PPP1R13B: variants seen among roughly 807,000 people sequenced by gnomAD.
PPP1R13B encodes the protein protein phosphatase 1 regulatory subunit 13B.
PPP1R13B carries 44 observed loss-of-function variants against 119.8 expected under a neutral mutation model. The ratio of observed to expected loss-of-function variants is 0.37; its 90% CI spans 0.29 to 0.47. The LOEUF is 0.47. PPP1R13B is among the 20% of genes least tolerant of loss of function. The pLI is 0.99. For missense variants in PPP1R13B, 1,227 were observed against 1,413.5 expected (o/e 0.87, Z 2.12); for synonymous variants, 542 against 561.5 (o/e 0.97, Z 0.49).
intron 1 of PPP1R13B, among the ~76,000 whole-genome samples, chr14:103,799,833 G>T (rs1289608592): frequency 2.6e-5 from 4 of 151,650 alleles, no homozygotes; most frequent in Non-Finnish European, 5.9e-5. Flanking sequence ...ATCACCTGAG[G>T]TCAGGAGTTC....
chr14:103,819,708 AG>A (rs1410593375), intron 1 of PPP1R13B, among the ~76,000 whole-genome samples: 1 of 151,932 alleles, frequency 6.6e-6, no homozygotes, highest in African/African-American at 2.4e-5. Context: ...CTAGAGAGAA[AG>A]CCTACCACAC....
chr14:103,762,741 G>A, intron 4 of PPP1R13B: 1 of 677,208 alleles, frequency 1.5e-6, no homozygotes, highest in Non-Finnish European at 2.7e-6. Flanking sequence ...GGGTGAGACG[G>A]ATGGGGGTGG....
chr14:103,830,021 C>T (rs1407653141), intron 1 of PPP1R13B, among the ~76,000 whole-genome samples: 2 of 152,122 alleles, frequency 1.3e-5, no homozygotes, highest in African/African-American at 4.8e-5. Context: ...TCATGATCCA[C>T]CCACCTTGGC....
intron 1 of PPP1R13B, among the ~76,000 whole-genome samples, chr14:103,811,363 A>G (rs903570143): frequency 3.3e-5 from 5 of 152,092 alleles, no homozygotes; most frequent in African/African-American, 1.2e-4. Context: ...TGCAAAGTAC[A>G]TATTTGATAA....
chr14:103,739,091 G>T, intron 12 of PPP1R13B, 68 bp from the exon 13 acceptor site: 1 of 1,550,810 alleles, frequency 6.4e-7, no homozygotes, highest in Non-Finnish European at 8.7e-7. Context: ...CACGCCTGCT[G>T]GGAAGGAGTG....
intron 15 of PPP1R13B, chr14:103,737,443 G>T: frequency 2.5e-6 from 1 of 392,178 alleles, no homozygotes; most frequent in Non-Finnish European, 4.5e-6. Context: ...GGCTGTGGTG[G>T]GACAAGCCTG....
In PPP1R13B at chr14:103,815,494, C is replaced by T. The variant is rs191236134; in HGVS notation, c.10-17976G>A. Reference sequence around the variant, plus strand: ...AACACAGGCTAGGCATGGTGGCTCACGCCTGTAATCCCAGCACCTTGGGAA... The same window carrying T: ...AACACAGGCTAGGCATGGTGGCTCATGCCTGTAATCCCAGCACCTTGGGAA... On this transcript the variant is annotated intron_variant, in intron 1 of 16. Transcript: ENST00000202556. Among the ~76,000 whole-genome samples the T allele has an allele frequency of 4.6e-5, 7 of 152,266 alleles. 1 individual carries two copies. The East Asian group carries it at 1.3e-3, about 29-fold the overall frequency.
chr14:103,768,155 C>T (rs901656361), intron 4 of PPP1R13B, among the ~76,000 whole-genome samples: 3 of 149,820 alleles, frequency 2.0e-5, no homozygotes, highest in Admixed American at 6.6e-5. Context: ...CACTCTGTCA[C>T]CCAGGCTGGA....
intron 1 of PPP1R13B, among the ~76,000 whole-genome samples, chr14:103,806,235 T>A (rs776117999): frequency 6.6e-6 from 1 of 152,182 alleles, no homozygotes; most frequent in Admixed American, 6.6e-5. Context: ...ACTCAGCAGA[T>A]AATATGAAAC....
In PPP1R13B at chr14:103,786,766, C is replaced by CAAAAAAAAA. The variant is rs1174732049; in HGVS notation, c.158-1861_158-1853dup. ...AGCAATAAGAGAGAAAACTCTGTCT[C>CAAAAAAAAA]AAAAAAAAAAAAAAAAAAAAAAGGC... On this transcript the variant is annotated intron_variant, in intron 2 of 16. Coordinates refer to ENST00000202556, the MANE Select transcript of PPP1R13B (RefSeq NM_015316.3). 1.9e-3 allele frequency among the ~76,000 whole-genome samples: 83 copies of CAAAAAAAAA among 44,598 alleles called. 6 individuals are homozygous for CAAAAAAAAA. Among genetic ancestry groups the CAAAAAAAAA allele is most frequent in the African/African-American group, 7.4e-3 (78 of 10,528 alleles). The allele number at this position is 44,598 out of a possible 152,430, so 29.3% of individuals were successfully genotyped here. A position where few individuals can be genotyped will look rare whatever the true frequency, so the allele number is the denominator to read the frequency against.
intron 2 of PPP1R13B, among the ~76,000 whole-genome samples, chr14:103,788,790 A>G (rs1383933199): frequency 6.6e-6 from 1 of 152,212 alleles, no homozygotes; most frequent in Non-Finnish European, 1.5e-5. Context: ...GAAAAAAATT[A>G]GCATTTTTGA....
chr14:103,778,502 T>C, intron 4 of PPP1R13B: 1 of 349,772 alleles, frequency 2.9e-6, no homozygotes, highest in African/African-American at 2.1e-5. Context: ...CCTCGTGATC[T>C]GTGCGCCTCA....
At position 103,734,159 on chromosome 14, in the gene PPP1R13B, A is replaced by AGGCAGGGAGATC. The variant is rs1376815425; in HGVS notation, c.*983_*994dup. 3.0e-4 allele frequency: 68 copies of AGGCAGGGAGATC among 226,508 alleles called. No homozygotes were observed. Among genetic ancestry groups the AGGCAGGGAGATC allele is most frequent in the Non-Finnish European group, 4.3e-4 (48 of 110,434 alleles). 14.0% of individuals were successfully genotyped at this position (226,508 alleles called of 1,614,324 possible). ...ACAAAGGTGGCCTCACAGCCAGCCC[A>AGGCAGGGAGATC]GGCAGGGAGATCGGCAGAGAGGGGT... is the stretch of plus-strand genomic sequence containing the variant. On this transcript the variant is annotated 3_prime_UTR_variant, in exon 17 of 17. Coordinates refer to ENST00000202556, the MANE Select transcript of PPP1R13B (RefSeq NM_015316.3).
At position 103,753,085 on chromosome 14, in the gene PPP1R13B, C is replaced by T. The variant is rs1285239767; in HGVS notation, c.743G>A (p.Gly248Glu). The T allele has an allele frequency of 6.2e-7, 1 of 1,614,042 alleles. No homozygotes were observed. Among genetic ancestry groups the T allele is most frequent in the African/African-American group, 1.3e-5 (1 of 74,928 alleles). The stretch of plus-strand genomic sequence containing the variant: ...GTAAGACTGGAACCCATTCAGTTTT[C>T]CTTTCTTTAAATCTTCCAATTGCTG... Reference protein sequence around the residue: ...LSQQLEDLKKGKLNGFQSYNG... With the variant: ...LSQQLEDLKKEKLNGFQSYNG... Residue 248 changes from glycine (G) to glutamate (E), a missense_variant, in exon 7 of 17, where the codon GGA (glycine) becomes GAA (glutamate). Transcript: ENST00000202556.
At chr14:103,741,013 T>C (rs1051631993) in intron 11 of PPP1R13B, among the ~76,000 whole-genome samples, 1 of 152,004 alleles carries the variant, frequency 6.6e-6, no homozygotes, top group Non-Finnish European at 1.5e-5. Flanking sequence ...TACCTGGAGG[T>C]CCAGGAGCTC....
At chr14:103,763,323 A>G (rs1381602143) in intron 4 of PPP1R13B, 1 of 290,146 alleles carries the variant, frequency 3.4e-6, no homozygotes, top group East Asian at 7.4e-5. Context: ...TAACTAGTAC[A>G]TGGTCATTGT....
intron 2 of PPP1R13B, among the ~76,000 whole-genome samples, chr14:103,788,622 G>C (rs571008266): frequency 6.6e-6 from 1 of 151,832 alleles, no homozygotes; most frequent in East Asian, 1.9e-4. Context: ...CCAGGAGTTT[G>C]AGGCTACGAC....
intron 1 of PPP1R13B, chr14:103,804,166 G>A (rs1248180335): frequency 2.0e-6 from 1 of 490,548 alleles, no homozygotes; most frequent in African/African-American, 2.1e-5. Flanking sequence ...CCAGCTCAGT[G>A]CCTGGACACA....
At position 103,735,104 on chromosome 14, in the gene PPP1R13B, T is replaced by TA; in HGVS notation, c.*49dup. 1 of 1,604,790 alleles carries TA rather than the reference T, an allele frequency of 6.2e-7. No homozygotes were observed. Among genetic ancestry groups the TA allele is most frequent in the Non-Finnish European group, 8.5e-7 (1 of 1,171,620 alleles). On this transcript the variant is annotated 3_prime_UTR_variant, in exon 17 of 17. Coordinates refer to ENST00000202556, the MANE Select transcript of PPP1R13B (RefSeq NM_015316.3). ...CCTGGAAAACAGCACAATAATCTCT[T>TA]AAGTGGCTCCTGGTAGCTGGCAAGA...
Sources: gnomAD v4.1 joint callset for allele counts (sites outside exome capture counted in the v4.1 genomes callset) on GRCh38, gnomAD v4.1.1 for gene constraint, MANE v1.5 for transcripts, NCBI Gene and HGNC (gene_info 2026-07-23, HGNC 2026-07-21) for gene names.